SIPA1L3: variants seen among roughly 807,000 people sequenced by gnomAD.
SIPA1L3 encodes signal induced proliferation associated 1 like 3, also known as signal-induced proliferation-associated 1-like protein 3.
Under a neutral mutation model 150.1 loss-of-function variants are expected in SIPA1L3, and 59 were observed. The ratio of observed to expected loss-of-function variants is 0.39; its 90% CI spans 0.32 to 0.49. SIPA1L3 has a LOEUF of 0.49. SIPA1L3 is among the 20% of genes least tolerant of loss of function. The pLI is 0.86. For missense variants in SIPA1L3, 2,211 were observed against 2,489.5 expected, an observed-to-expected ratio of 0.89 and a Z score of 2.38; for synonymous variants, 1,070 against 1,077.6, an observed-to-expected ratio of 0.99 and a Z score of 0.14.
At chr19:38,148,609 C>T (rs1036442628) in intron 12 of SIPA1L3, among the ~76,000 whole-genome samples, 13 of 152,154 alleles carry the variant, frequency 8.5e-5, no homozygotes, top group Admixed American at 2.0e-4. Flanking sequence ...ATTGTTTCAT[C>T]GGTTGATGTG....
chr19:37,941,073 CACACACACACACAT>C (rs746116917), intron 1 of SIPA1L3, among the ~76,000 whole-genome samples: 93 of 136,088 alleles, frequency 6.8e-4, no homozygotes, highest in African/African-American at 1.3e-3. Context: ...TTGAGATGTA[CACACACACACACAT>C]ACACACACAC....
At chr19:37,999,013 C>A (rs3220652) in intron 1 of SIPA1L3, among the ~76,000 whole-genome samples, 182 of 138,768 alleles carry the variant, frequency 1.3e-3, no homozygotes, top group African/African-American at 3.2e-3. Flanking sequence ...ACACACACAC[C>A]CACACACACA....
At chr19:38,001,050 CATATAT>C (rs754009507) in intron 1 of SIPA1L3, among the ~76,000 whole-genome samples, 1 of 149,590 alleles carries the variant, frequency 6.7e-6, no homozygotes, top group Non-Finnish European at 1.5e-5. Context: ...ATATATCACA[CATATAT>C]ATATATCACA....
chr19:38,104,533 G>A (rs923119908), intron 6 of SIPA1L3, among the ~76,000 whole-genome samples: 7 of 152,148 alleles, frequency 4.6e-5, no homozygotes, highest in Admixed American at 3.3e-4. Flanking sequence ...CTCACCTGGC[G>A]TGGAGGAAGC....
intron 6 of SIPA1L3, among the ~76,000 whole-genome samples, chr19:38,102,705 G>A (rs1970533256): frequency 6.6e-6 from 1 of 152,080 alleles, no homozygotes; most frequent in Non-Finnish European, 1.5e-5. Flanking sequence ...GGTGGCTCAT[G>A]CCTGTGATCC....
At chr19:38,171,385 C>CTTTTT (rs1055077464) in intron 15 of SIPA1L3, among the ~76,000 whole-genome samples, 41 of 77,890 alleles carry the variant, frequency 5.3e-4, no homozygotes, top group African/African-American at 6.4e-4. Context: ...CCTACCAAAA[C>CTTTTT]TTTTTTTTTT....
intron 2 of SIPA1L3, among the ~76,000 whole-genome samples, chr19:38,057,949 A>G (rs1395901015): frequency 6.6e-6 from 1 of 152,098 alleles, no homozygotes; most frequent in African/African-American, 2.4e-5. Flanking sequence ...GGCCTGAGCC[A>G]CCATGCCCGG....
At chr19:37,987,622 G>C (rs1056127618) in intron 1 of SIPA1L3, among the ~76,000 whole-genome samples, 1 of 152,206 alleles carries the variant, frequency 6.6e-6, no homozygotes, top group African/African-American at 2.4e-5. Flanking sequence ...GTTGTCCCTA[G>C]TTGGTTACCA....
intron 9 of SIPA1L3, among the ~76,000 whole-genome samples, chr19:38,126,166 G>C (rs117037538): frequency 0.013 from 2,039 of 152,138 alleles, 26 homozygotes; most frequent in South Asian, 0.022. Context: ...TGGTGACAGA[G>C]TGAGGCTCCA....
chr19:38,179,945 C>T (rs1326715256), intron 15 of SIPA1L3, among the ~76,000 whole-genome samples: 1 of 152,024 alleles, frequency 6.6e-6, no homozygotes, highest in African/African-American at 2.4e-5. Flanking sequence ...TGGGTTTAAG[C>T]AGTTCTCCTG....
At chr19:37,985,186 A>G (rs959008851) in intron 1 of SIPA1L3, among the ~76,000 whole-genome samples, 3 of 152,016 alleles carry the variant, frequency 2.0e-5, no homozygotes, top group African/African-American at 7.3e-5. Context: ...CTCTTAAAAA[A>G]ATTGTTTTTT....
chr19:37,974,527 A>G (rs55994045), intron 1 of SIPA1L3, among the ~76,000 whole-genome samples: 47,588 of 151,530 alleles, frequency 0.31, 8,016 homozygotes, highest in Non-Finnish European at 0.37. Context: ...AAAAAAAAAA[A>G]AAGTATTGAT....
intron 10 of SIPA1L3, among the ~76,000 whole-genome samples, chr19:38,139,273 G>T (rs923406718): frequency 5.9e-5 from 9 of 152,194 alleles, no homozygotes; most frequent in African/African-American, 9.6e-5. Flanking sequence ...GCTAGTCATC[G>T]TGTCAGGGTG....
At chr19:38,146,281 T>C (rs1328898943) in intron 12 of SIPA1L3, among the ~76,000 whole-genome samples, 1 of 152,226 alleles carries the variant, frequency 6.6e-6, no homozygotes, top group East Asian at 1.9e-4. Context: ...ATCCACGTTG[T>C]CGCGAGTCTC....
chr19:38,065,407 C>A (rs1437763041), intron 2 of SIPA1L3, among the ~76,000 whole-genome samples: 1 of 142,800 alleles, frequency 7.0e-6, no homozygotes, highest in Non-Finnish European at 1.5e-5. Flanking sequence ...CCCTCACATG[C>A]TGACTTTTTT....
rs1488661376 is a variant in SIPA1L3, at chr19:38,140,663, G to T, written c.3144-521G>T. 2.6e-5 allele frequency among the ~76,000 whole-genome samples: 4 copies of T among 152,248 alleles called. No homozygotes were observed. The East Asian group carries it at 7.7e-4, about 29-fold the overall frequency. On this transcript the variant is annotated intron_variant, in intron 10 of 21. Coordinates refer to ENST00000222345, the MANE Select transcript of SIPA1L3 (RefSeq NM_015073.3). ...GGGAAGAGGAGATGAGGTGGAAAGGGCCAGGCAGTCGGAGTCCCTGTGTTG... is the reference window on the plus strand; with the variant it reads ...GGGAAGAGGAGATGAGGTGGAAAGGTCCAGGCAGTCGGAGTCCCTGTGTTG...
intron 6 of SIPA1L3, among the ~76,000 whole-genome samples, chr19:38,103,352 C>T (rs1013267042): frequency 5.9e-5 from 9 of 152,040 alleles, no homozygotes; most frequent in African/African-American, 1.2e-4. Context: ...TGGGGCTGGG[C>T]GCAATGGCCC....
chr19:38,065,184 A>T (rs973917075), intron 2 of SIPA1L3, among the ~76,000 whole-genome samples: 2 of 152,220 alleles, frequency 1.3e-5, no homozygotes, highest in East Asian at 3.8e-4. Flanking sequence ...ATGTGAACAC[A>T]AGGTGGGGTG....
intron 8 of SIPA1L3, among the ~76,000 whole-genome samples, chr19:38,117,437 T>C (rs898497945): frequency 5.9e-5 from 9 of 152,014 alleles, no homozygotes; most frequent in Non-Finnish European, 1.2e-4. Flanking sequence ...CTGACCAACA[T>C]GGCGAAACCC....
Sources: gnomAD v4.1 joint callset for allele counts (sites outside exome capture counted in the v4.1 genomes callset) on GRCh38, gnomAD v4.1.1 for gene constraint, MANE v1.5 for transcripts, NCBI Gene and HGNC (gene_info 2026-07-23, HGNC 2026-07-21) for gene names.